Variants in NEBL observed in about 807,000 individuals in gnomAD.
NEBL encodes the protein LIM and SH3 protein 2.
In NEBL, 122 loss-of-function variants were observed where a neutral mutation model predicts 140.2. That is an observed-to-expected ratio of 0.87 (90% confidence interval 0.75 to 1.01). The LOEUF (loss-of-function observed/expected upper bound fraction) is 1.01, where lower values mean the gene tolerates loss of function less well. Among genes scored for constraint, NEBL ranks in the 50% least tolerant of loss-of-function variants. The pLI, the probability that NEBL is intolerant of heterozygous loss-of-function variation, is 0.00. For missense variants in NEBL, 1,365 were observed against 1,231.3 expected, an observed-to-expected ratio of 1.11 and a Z score of -1.62; for synonymous variants, 436 against 398.9, an observed-to-expected ratio of 1.09 and a Z score of -1.11.
chr10:20,889,944 A>G lies in NEBL; in HGVS notation c.159T>C (p.Arg53=). ...TGGACTTTTTAAACTCTTCTTTATA[A>G]CGGATCTAAAAAAGAGAATGATTTA... ...RKCTELISDI[R]YKEEFKKSKD... is the part of the protein sequence containing the mutation. The change falls in exon 3 of 28, where the codon CGT becomes CGC. Residue 53 remains arginine, a synonymous_variant. Transcript: ENST00000377122. The G allele has an allele frequency of 6.3e-7, 1 of 1,580,632 alleles. No individual in the cohort carries two copies. Among genetic ancestry groups the G allele is most frequent in the Non-Finnish European group, 8.7e-7 (1 of 1,152,234 alleles).
intron 14 of NEBL, 151 bp downstream of exon 14, chr10:20,835,362 A>G (rs1006144236): frequency 5.6e-5 from 41 of 732,318 alleles, no homozygotes; most frequent in Non-Finnish European, 7.6e-5. Context: ...TAATTTTTCA[A>G]ACTGGCATAA....
At chr10:21,217,243 C>A (rs917900515) in intron 3 of NEBL, among the ~76,000 whole-genome samples, 1 of 152,166 alleles carries the variant, frequency 6.6e-6, no homozygotes, top group African/African-American at 2.4e-5. Context: ...CTTAAGAGGT[C>A]ATGGAGAGGA....
intron 7 of NEBL, among the ~76,000 whole-genome samples, chr10:20,866,592 CT>C (rs1469872673): frequency 6.6e-6 from 1 of 152,192 alleles, no homozygotes; most frequent in Non-Finnish European, 1.5e-5. Flanking sequence ...TTTCTGTCCC[CT>C]GGCAGGCATA....
intron 1 of NEBL, among the ~76,000 whole-genome samples, chr10:21,283,332 G>T (rs555194615): frequency 6.6e-6 from 1 of 152,088 alleles, no homozygotes; most frequent in African/African-American, 2.4e-5. Context: ...ATAATCCACC[G>T]CTTGTTTAGC....
At chr10:20,830,938 T>C (rs1298861319) in intron 16 of NEBL, among the ~76,000 whole-genome samples, 2 of 115,880 alleles carry the variant, frequency 1.7e-5, no homozygotes, top group Non-Finnish European at 3.7e-5. Flanking sequence ...AAAAAAAAGG[T>C]TTAATGTCCT....
chr10:20,808,846 A>T (rs1272461381), intron 25 of NEBL, among the ~76,000 whole-genome samples, 187 bp from the exon 26 acceptor site: 1 of 152,180 alleles, frequency 6.6e-6, no homozygotes, highest in African/African-American at 2.4e-5. Flanking sequence ...GAATAACTTA[A>T]CCATCGTTTT....
At chr10:20,957,926 T>C (rs1295361234) in intron 4 of NEBL, among the ~76,000 whole-genome samples, 1 of 152,230 alleles carries the variant, frequency 6.6e-6, no homozygotes, top group African/African-American at 2.4e-5. Context: ...CCCCAGACTG[T>C]CTCAGCTAAT....
At chr10:20,931,354 C>T (rs1052375401) in intron 4 of NEBL, among the ~76,000 whole-genome samples, 12 of 152,218 alleles carry the variant, frequency 7.9e-5, no homozygotes, top group Admixed American at 2.6e-4. Context: ...CCATAAACTG[C>T]TAACATAGAA....
intron 3 of NEBL, among the ~76,000 whole-genome samples, chr10:21,015,785 T>A (rs1838531931): frequency 1.3e-5 from 2 of 152,338 alleles, no homozygotes; most frequent in South Asian, 4.1e-4. Flanking sequence ...AGTGCTGGGA[T>A]TACAGGCATA....
chr10:21,230,071 G>A (rs1200698186), intron 3 of NEBL, among the ~76,000 whole-genome samples: 1 of 152,196 alleles, frequency 6.6e-6, no homozygotes, highest in African/African-American at 2.4e-5. Flanking sequence ...GATTCCTGCT[G>A]TGGTGTTTTC....
chr10:20,799,800 G>C (rs955169227), intron 26 of NEBL, among the ~76,000 whole-genome samples: 1 of 152,064 alleles, frequency 6.6e-6, no homozygotes, highest in African/African-American at 2.4e-5. Context: ...AATCAGGAGT[G>C]TATTTTCTTC....
chr10:20,961,726 G>T, exon 4 of NEBL: 1 of 1,613,930 alleles, frequency 6.2e-7, no homozygotes, highest in East Asian at 2.2e-5. Flanking sequence ...GAGTGTCCGT[G>T]ACGATGCTGA....
intron 9 of NEBL, among the ~76,000 whole-genome samples, chr10:20,856,433 G>A (rs1843082203): frequency 6.6e-6 from 1 of 152,136 alleles, no homozygotes; most frequent in Non-Finnish European, 1.5e-5. Context: ...GAATCCCCAT[G>A]TCCCTAGGAA....
intron 3 of NEBL, among the ~76,000 whole-genome samples, chr10:21,228,657 A>T (rs987606695): frequency 6.6e-6 from 1 of 152,242 alleles, no homozygotes; most frequent in Non-Finnish European, 1.5e-5. Context: ...AGTCATTTTT[A>T]AAAATTAAAA....
intron 2 of NEBL, among the ~76,000 whole-genome samples, chr10:21,053,907 C>T (rs1441100391): frequency 1.3e-5 from 2 of 152,076 alleles, no homozygotes; most frequent in African/African-American, 2.4e-5. Flanking sequence ...GTGGTTCGCA[C>T]CTGTAATCCC....
At chr10:20,968,106 T>C (rs1388971769) in intron 3 of NEBL, among the ~76,000 whole-genome samples, 2 of 152,168 alleles carry the variant, frequency 1.3e-5, no homozygotes, top group Non-Finnish European at 2.9e-5. Flanking sequence ...TCTGAGTTTC[T>C]TCATCTTAGT....
intron 3 of NEBL, among the ~76,000 whole-genome samples, chr10:21,222,849 G>C (rs1367427316): frequency 6.6e-6 from 1 of 152,132 alleles, no homozygotes; most frequent in East Asian, 1.9e-4. Context: ...TGCAACCTCT[G>C]CCTTCCAGGT....
At chr10:21,123,957 A>G (rs912006504) in intron 2 of NEBL, among the ~76,000 whole-genome samples, 12 of 151,716 alleles carry the variant, frequency 7.9e-5, no homozygotes, top group East Asian at 7.7e-4. Context: ...TCTGAGGCCA[A>G]TCCTCACCTG....
chr10:20,798,315 C>T (rs1836776903), intron 26 of NEBL, among the ~76,000 whole-genome samples: 1 of 152,094 alleles, frequency 6.6e-6, no homozygotes, highest in Non-Finnish European at 1.5e-5. Flanking sequence ...TAAAGAGTTC[C>T]TCTAAAGTCA....
Sources: allele counts gnomAD v4.1 joint callset (sites outside exome capture counted in the v4.1 genomes callset), GRCh38; gene constraint gnomAD v4.1.1; transcripts MANE v1.5; gene names NCBI Gene and HGNC (gene_info 2026-07-23, HGNC 2026-07-21).